Variants in GLDN observed in about 807,000 individuals in gnomAD.
GLDN encodes the protein collomin.
Under a neutral mutation model 56.5 loss-of-function variants are expected in GLDN, and 47 were observed. The ratio of observed to expected loss-of-function variants is 0.83; its 90% CI spans 0.66 to 1.06. The LOEUF (loss-of-function observed/expected upper bound fraction) is 1.06, where lower values mean the gene tolerates loss of function less well. GLDN is among the 50% of genes least tolerant of loss of function. The probability of loss-of-function intolerance (pLI) is 0.00; values close to 1 mark genes in which losing one functional copy is unlikely to be tolerated. For missense variants in GLDN, 782 were observed against 714.3 expected (o/e 1.09, Z -1.08); for synonymous variants, 332 against 278.8 (o/e 1.19, Z -1.90).
intron 4 of GLDN, among the ~76,000 whole-genome samples, chr15:51,393,440 C>T (rs778416602): frequency 6.6e-6 from 1 of 152,174 alleles, no homozygotes; most frequent in South Asian, 2.1e-4. Context: ...CCCATGGTGG[C>T]CGTGGGAATG....
Position 51,405,647 on chromosome 15 carries a change from C to A in GLDN, c.*893C>A, listed in dbSNP as rs1403154410. 1 of 152,192 alleles carries A rather than the reference C, an allele frequency of 6.6e-6. No individual in the cohort carries two copies. Among genetic ancestry groups the A allele is most frequent in the Non-Finnish European group, 1.5e-5 (1 of 68,034 alleles). 9.4% of individuals were successfully genotyped at this position (152,192 alleles called of 1,614,324 possible). A position where few individuals can be genotyped will look rare whatever the true frequency, so the allele number is the denominator to read the frequency against. ...TCATGAACACTGAATCCTCAGATCA[C>A]TCTGACTTCTTATGCTTCTCCTGTG... is the stretch of plus-strand genomic sequence containing the variant. On this transcript the variant is annotated 3_prime_UTR_variant, in exon 10 of 10. Coordinates refer to ENST00000335449, the MANE Select transcript of GLDN (RefSeq NM_181789.4).
chr15:51,367,714 A>T (rs536909993), intron 1 of GLDN, among the ~76,000 whole-genome samples: 13 of 152,190 alleles, frequency 8.5e-5, no homozygotes, highest in Non-Finnish European at 1.6e-4. Flanking sequence ...TGGTTTCCCC[A>T]TTGCATTGCA....
At position 51,397,498 on chromosome 15, in the gene GLDN, T is replaced by C; in HGVS notation, c.717T>C (p.Gly239=). 1 of 1,564,844 alleles carries C rather than the reference T, an allele frequency of 6.4e-7. No homozygotes were observed. The highest frequency in any genetic ancestry group is 8.7e-7 in the Non-Finnish European group (1 of 1,153,798). The change falls in exon 6 of 10, where the codon GGT becomes GGC. Residue 239 remains glycine, a synonymous_variant. Coordinates refer to ENST00000335449, the MANE Select transcript of GLDN (RefSeq NM_181789.4). ...AGAKGDQGPP[G]PPGPPGPPGP... is the part of the protein sequence containing the mutation. Reference sequence around the variant, plus strand: ...CCAAAGGTGACCAAGGCCCACCCGGTCCACCTGGGCCCCCAGGCCCTCCAG... The same window carrying C: ...CCAAAGGTGACCAAGGCCCACCCGGCCCACCTGGGCCCCCAGGCCCTCCAG...
chr15:51,356,587 A>T (rs1285476067), intron 1 of GLDN, among the ~76,000 whole-genome samples: 1 of 152,202 alleles, frequency 6.6e-6, no homozygotes, highest in African/African-American at 2.4e-5. Context: ...CCGCAAAATG[A>T]TCTAAGCCTT....
At chr15:51,350,226 G>A (rs2037051721) in intron 1 of GLDN, among the ~76,000 whole-genome samples, 1 of 152,152 alleles carries the variant, frequency 6.6e-6, no homozygotes, top group African/African-American at 2.4e-5. Context: ...CAAACTGAGA[G>A]CAAACAATGT....
At chr15:51,379,100 C>T (rs1362224410) in intron 2 of GLDN, among the ~76,000 whole-genome samples, 1 of 152,242 alleles carries the variant, frequency 6.6e-6, no homozygotes, top group Non-Finnish European at 1.5e-5. Context: ...GTTGCTGCTA[C>T]GGCAGTCAGG....
chr15:51,373,294 C>A (rs542880010), intron 1 of GLDN, among the ~76,000 whole-genome samples: 2 of 152,308 alleles, frequency 1.3e-5, no homozygotes, highest in Admixed American at 1.3e-4. Flanking sequence ...CACTCAAGTT[C>A]CTGACGCTGG....
intron 9 of GLDN, among the ~76,000 whole-genome samples, chr15:51,402,630 T>C (rs1005811496): frequency 6.6e-6 from 1 of 152,204 alleles, no homozygotes; most frequent in African/African-American, 2.4e-5. Flanking sequence ...CAAGAGACAG[T>C]GACTTTGAGG....
chr15:51,408,411 A>C (rs969350756), downstream of GLDN, among the ~76,000 whole-genome samples: 5 of 152,256 alleles, frequency 3.3e-5, no homozygotes, highest in African/African-American at 1.2e-4. Flanking sequence ...TCTAAAAAAA[A>C]GTAATAGTAT....
intron 1 of GLDN, chr15:51,351,300 C>G (rs2037072020): frequency 6.4e-6 from 1 of 157,330 alleles, no homozygotes; most frequent in Admixed American, 6.4e-5. Context: ...CATGAGTCAC[C>G]ATGCCCAACT....
chr15:51,369,597 G>A (rs1276177639), intron 1 of GLDN, among the ~76,000 whole-genome samples: 2 of 152,230 alleles, frequency 1.3e-5, no homozygotes, highest in African/African-American at 2.4e-5. Context: ...CAAACACTGT[G>A]AGGTTTCGAG....
intron 1 of GLDN, among the ~76,000 whole-genome samples, chr15:51,359,948 C>T (rs2037259081): frequency 7.1e-6 from 1 of 140,602 alleles, no homozygotes; most frequent in Admixed American, 8.3e-5. Flanking sequence ...CACTGCACTC[C>T]AGCCTGGGCG....
intron 1 of GLDN, among the ~76,000 whole-genome samples, chr15:51,353,190 C>G (rs2037107038): frequency 6.6e-6 from 1 of 152,082 alleles, no homozygotes; most frequent in Admixed American, 6.5e-5. Flanking sequence ...GCTTCAACTC[C>G]CTGTGGTTTC....
At chr15:51,363,128 G>A (rs919488790) in intron 1 of GLDN, among the ~76,000 whole-genome samples, 1 of 152,170 alleles carries the variant, frequency 6.6e-6, no homozygotes, top group Non-Finnish European at 1.5e-5. Context: ...ATGTCCAAGG[G>A]AAGATGTCAT....
chr15:51,342,115 G>A, intron 1 of GLDN, 68 bp downstream of exon 1: 2 of 1,567,632 alleles, frequency 1.3e-6, no homozygotes, highest in Non-Finnish European at 8.6e-7. Flanking sequence ...GGGCGAGGAC[G>A]CCGACGCCCT....
At chr15:51,344,963 A>T (rs2036951953) in intron 1 of GLDN, among the ~76,000 whole-genome samples, 1 of 152,234 alleles carries the variant, frequency 6.6e-6, no homozygotes, top group South Asian at 2.1e-4. Context: ...AACCATGTGC[A>T]TACTTTTGGG....
At chr15:51,399,910 G>T (rs2038211918) in intron 6 of GLDN, among the ~76,000 whole-genome samples, 1 of 152,192 alleles carries the variant, frequency 6.6e-6, no homozygotes, top group Non-Finnish European at 1.5e-5. Context: ...GCTGGCTCAG[G>T]CCACTTTGTT....
chr15:51,362,376 T>C (rs897222454), intron 1 of GLDN, among the ~76,000 whole-genome samples: 3 of 151,552 alleles, frequency 2.0e-5, no homozygotes, highest in African/African-American at 7.3e-5. Flanking sequence ...TCCCAGCTAC[T>C]TGGGAGGGTG....
In GLDN at chr15:51,401,659, T is replaced by C. The variant is rs2038253537; in HGVS notation, c.1094T>C (p.Leu365Pro). 6.2e-7 allele frequency: 1 copy of C among 1,614,008 alleles called. No homozygotes were observed. The highest frequency in any genetic ancestry group is 1.3e-5 in the African/African-American group (1 of 74,944). The change falls in exon 9 of 10, where the codon CTT becomes CCT. Residue 365 changes from leucine (L) to proline (P), a missense_variant. Transcript: ENST00000335449. ...AATGGCAGTTACACGTTCATCCACC[T>C]TCCATACTATTTCCATGGCTGTGGG... ...LLNGSYTFIH[L>P]PYYFHGCGHV... is the part of the protein sequence containing the mutation.
Sources: allele counts gnomAD v4.1 joint callset (sites outside exome capture counted in the v4.1 genomes callset), GRCh38; gene constraint gnomAD v4.1.1; transcripts MANE v1.5; gene names NCBI Gene and HGNC (gene_info 2026-07-23, HGNC 2026-07-21).